SCN7A: variants seen among roughly 807,000 people sequenced by gnomAD.
The protein encoded by SCN7A is sodium channel protein type 7 subunit alpha.
In SCN7A, 138 loss-of-function variants were observed where a neutral mutation model predicts 155.2. The observed-to-expected ratio is 0.89, with a 90% CI of 0.77 to 1.02. The LOEUF (loss-of-function observed/expected upper bound fraction) is 1.02, where lower values mean the gene tolerates loss of function less well. SCN7A is among the 50% of genes least tolerant of loss of function. SCN7A has a pLI of 0.00. For synonymous variants in SCN7A, 693 were observed against 649.0 expected (o/e 1.07, Z -1.03); for missense variants, 2,058 against 1,986.6 (o/e 1.04, Z -0.68).
At chr2:166,420,208 T>C (rs181812769) in intron 20 of SCN7A, among the ~76,000 whole-genome samples, 84 of 152,122 alleles carry the variant, frequency 5.5e-4, no homozygotes, top group Admixed American at 2.4e-3. Flanking sequence ...TTTCACCAAG[T>C]GGAAGGAGTT....
At chr2:166,435,813 C>T (rs1342905888) in intron 15 of SCN7A, among the ~76,000 whole-genome samples, 1 of 151,890 alleles carries the variant, frequency 6.6e-6, no homozygotes, top group Non-Finnish European at 1.5e-5. Context: ...ATGTTTCTAT[C>T]CCTCAGTGTT....
chr2:166,441,126 TA>T (rs900327026), intron 15 of SCN7A: 25 of 436,012 alleles, frequency 5.7e-5, no homozygotes, highest in Non-Finnish European at 9.2e-5. Context: ...ATATTATCAT[TA>T]AAAAATGCAT....
intron 21 of SCN7A, among the ~76,000 whole-genome samples, chr2:166,414,105 A>T (rs868142706): frequency 1.2e-5 from 1 of 84,796 alleles, no homozygotes; most frequent in Non-Finnish European, 2.0e-5. Context: ...ATAATATATT[A>T]TATATAAATA....
intron 9 of SCN7A, 127 bp downstream of exon 9, chr2:166,465,335 A>G (rs1383748438): frequency 2.7e-5 from 19 of 712,870 alleles, no homozygotes; most frequent in Non-Finnish European, 4.5e-5. Flanking sequence ...ACAACTTCTC[A>G]GTATGGTTTT....
Position 166,429,170 on chromosome 2 carries a change from AT to A in SCN7A, c.2696del (p.Asn899MetfsTer33), listed in dbSNP as rs529599630. 5.1e-4 allele frequency: 772 copies of A among 1,516,944 alleles called. 10 individuals carry two copies. In the Admixed American group the frequency reaches 0.017, roughly 33 times the overall value. 94.0% of individuals were successfully genotyped at this position (1,516,944 alleles called of 1,614,324 possible). On this transcript the variant is annotated frameshift_variant and splice_region_variant, in exon 17 of 26. Transcript: ENST00000643258. LOFTEE classifies it high-confidence loss of function. ...YGGERSKHLK[N>X]GCRRGSSLGQ... ...GCAAGATTAACAAAATTTTCTTACC[AT>A]TTTTCAGATGCTTTGATCTTTCACC...
intron 10 of SCN7A, among the ~76,000 whole-genome samples, chr2:166,460,206 C>T (rs1702371629): frequency 6.6e-6 from 1 of 152,116 alleles, no homozygotes; most frequent in Non-Finnish European, 1.5e-5. Flanking sequence ...AGACTGGTTC[C>T]CTATTTCTTT....
chr2:166,474,223 T>C lies in SCN7A; in HGVS notation c.353+3A>G. ...AAGTCAACAAGTCAACAGAAAAGGA[T>C]ATGGATGTACCAAAACCTTGATAGT... On this transcript the variant is annotated splice_donor_region_variant and intron_variant, in intron 4 of 25. Transcript: ENST00000643258. 1 of 1,386,006 alleles carries C rather than the reference T, an allele frequency of 7.2e-7. No homozygotes were observed. The highest frequency in any genetic ancestry group is 9.8e-7 in the Non-Finnish European group (1 of 1,017,112). The allele number at this position is 1,386,006 out of a possible 1,614,324, so 85.9% of individuals were successfully genotyped here.
intron 11 of SCN7A, among the ~76,000 whole-genome samples, chr2:166,454,679 T>C (rs558751832): frequency 6.6e-6 from 1 of 152,288 alleles, no homozygotes; most frequent in South Asian, 2.1e-4. Flanking sequence ...GGCTTCTCTC[T>C]ATTTTTCGTT....
At chr2:166,460,947 G>A (rs1412780984) in intron 10 of SCN7A, among the ~76,000 whole-genome samples, 6 of 150,550 alleles carry the variant, frequency 4.0e-5, no homozygotes, top group Admixed American at 3.3e-4. Flanking sequence ...TTTGGAGAAA[G>A]CACTGAATCT....
chr2:166,417,501 T>C (rs1701405625), intron 20 of SCN7A, among the ~76,000 whole-genome samples: 1 of 151,818 alleles, frequency 6.6e-6, no homozygotes, highest in Admixed American at 6.6e-5. Flanking sequence ...CATTCAACTC[T>C]AGATATTCTT....
intron 15 of SCN7A, among the ~76,000 whole-genome samples, chr2:166,438,630 T>A (rs1701887866): frequency 6.6e-6 from 1 of 152,174 alleles, no homozygotes; most frequent in South Asian, 2.1e-4. Context: ...ATTAATTTTT[T>A]AAAATGTGAA....
chr2:166,436,312 CA>C (rs1330694237), intron 15 of SCN7A: 1 of 357,076 alleles, frequency 2.8e-6, no homozygotes, highest in Non-Finnish European at 5.7e-6. Context: ...TTAATTCTCA[CA>C]AGATCTGATG....
At chr2:166,440,728 A>G (rs1701941522) in intron 15 of SCN7A, 1 of 152,130 alleles carries the variant, frequency 6.6e-6, no homozygotes. Flanking sequence ...TTGTATTTGT[A>G]TTTAACAGTA....
chr2:166,410,427 TA>T (rs151313319), intron 23 of SCN7A, 103 bp from the exon 24 acceptor site: 184 of 743,488 alleles, frequency 2.5e-4, no homozygotes, highest in Non-Finnish European at 3.1e-4. Context: ...TTTAATCTTC[TA>T]AAAAAAAGGC....
Position 166,423,419 on chromosome 2 carries a change from A to G in SCN7A, c.2867T>C (p.Ile956Thr), listed in dbSNP as rs372701938. 707 of 1,556,752 alleles carry G rather than the reference A, an allele frequency of 4.5e-4. 6 individuals carry two copies. In the Middle Eastern group the frequency reaches 6.4e-3, roughly 14 times the overall value. ...LSTGTLAFED[I>T]YMDQRKTIKI... is the part of the protein sequence containing the mutation. Reference sequence around the variant, plus strand: ...AATTGTCTTTCTCTGATCCATATATATATCTTCAAAAGCCTGTGGGTAAAA... The same window carrying G: ...AATTGTCTTTCTCTGATCCATATATGTATCTTCAAAAGCCTGTGGGTAAAA... The change falls in exon 19 of 26, where the codon ATA becomes ACA. Residue 956 changes from isoleucine to threonine, a missense_variant. By Grantham distance (89) the Ile-to-Thr change is moderately conservative. Transcript: ENST00000643258.
intron 25 of SCN7A, among the ~76,000 whole-genome samples, chr2:166,408,742 A>G (rs1216942866): frequency 6.6e-6 from 1 of 151,974 alleles, no homozygotes; most frequent in East Asian, 1.9e-4. Context: ...CAGTTTATCT[A>G]TATTTTCTAC....
In SCN7A at chr2:166,470,619, A is replaced by G; in HGVS notation, c.660T>C (p.Asn220=). The G allele has an allele frequency of 6.2e-7, 1 of 1,601,970 alleles. No individual in the cohort carries two copies. The highest frequency in any genetic ancestry group is 8.5e-7 in the Non-Finnish European group (1 of 1,172,918). Reference sequence around the variant, plus strand: ...ACATTCAATGCAATTTCTTACCTTGATTTAAAGGAATAATTTTTAAAATTC... The same window carrying G: ...ACATTCAATGCAATTTCTTACCTTGGTTTAAAGGAATAATTTTTAAAATTC... The part of the protein sequence containing the change: ...TLRILKIIPL[N]QGLKSLVGVL... The change falls in exon 7 of 26, where the codon AAT becomes AAC. Residue 220 remains asparagine, a synonymous_variant. Coordinates refer to ENST00000643258, the MANE Select transcript of SCN7A (RefSeq NM_002976.4).
chr2:166,424,931 G>A (rs1701589905), intron 18 of SCN7A, among the ~76,000 whole-genome samples: 1 of 151,704 alleles, frequency 6.6e-6, no homozygotes, highest in African/African-American at 2.4e-5. Context: ...CACAGCAACC[G>A]AGTGTTGCTT....
intron 25 of SCN7A, among the ~76,000 whole-genome samples, chr2:166,408,781 C>A (rs1701132630): frequency 6.6e-6 from 1 of 151,948 alleles, no homozygotes; most frequent in South Asian, 2.1e-4. Context: ...GTGCTTGATG[C>A]AGTAAACTTA....
Sources: allele counts gnomAD v4.1 joint callset (sites outside exome capture counted in the v4.1 genomes callset), GRCh38; gene constraint gnomAD v4.1.1; transcripts MANE v1.5; gene names NCBI Gene and HGNC (gene_info 2026-07-23, HGNC 2026-07-21).